Variants in BBS1 observed in about 807,000 individuals in gnomAD.
The protein encoded by BBS1 is BBSome complex member BBS1.
Under a neutral mutation model 73.9 loss-of-function variants are expected in BBS1, and 60 were observed. That is an observed-to-expected ratio of 0.81 (90% confidence interval 0.66 to 1.01). BBS1 has a LOEUF of 1.01. BBS1 is among the 50% of genes least tolerant of loss of function. BBS1 has a pLI of 0.00. For synonymous variants in BBS1, 283 were observed against 317.4 expected (o/e 0.89, Z 1.15); for missense variants, 718 against 770.3 (o/e 0.93, Z 0.80).
intron 11 of BBS1, 138 bp downstream of exon 11, chr11:66,524,020 C>T (rs1274173921): frequency 1.5e-6 from 2 of 1,300,842 alleles, no homozygotes; most frequent in Non-Finnish European, 2.1e-6. Flanking sequence ...TGGCTCATGC[C>T]TGTAATCCCA....
Position 66,529,871 on chromosome 11 carries a change from C to T in BBS1, c.1392C>T (p.Ala464=), listed in dbSNP as rs1178616571. Residue 464 remains alanine (A), a synonymous_variant, in exon 14 of 17, where the codon GCC becomes GCT. Transcript: ENST00000318312. ...TDLYLLRLRA[A]RAYLQALESS... ...TATACCTGCTGCGCCTACGTGCTGC[C>T]CGCGCCTACCTGCAGGCCCTCGAGT... 5.0e-6 allele frequency: 8 copies of T among 1,610,142 alleles called. No homozygotes were observed. Among genetic ancestry groups the T allele is most frequent in the Admixed American group, 1.7e-5 (1 of 59,998 alleles).
At chr11:66,522,165 C>A (rs191033386) in intron 9 of BBS1, among the ~76,000 whole-genome samples, 1,646 of 149,880 alleles carry the variant, frequency 0.011, 26 homozygotes, top group African/African-American at 0.039. Context: ...TGCAGTGAGC[C>A]GAGATCACGC....
chr11:66,515,719 T>C lies in BBS1; in HGVS notation c.506T>C (p.Ile169Thr). 6.2e-7 allele frequency: 1 copy of C among 1,614,120 alleles called. No individual in the cohort carries two copies. Among genetic ancestry groups the C allele is most frequent in the African/African-American group, 1.3e-5 (1 of 75,004 alleles). The change falls in exon 6 of 17, where the codon ATC becomes ACC. Residue 169 changes from isoleucine (I) to threonine (T), a missense_variant. By Grantham distance (89) the Ile-to-Thr change is moderately conservative (BLOSUM62 -1). Transcript: ENST00000318312. ...IRETAEEPLS[I>T]QSLRFLQLEL... ...GAGACGGCAGAGGAGCCTTTGTCCATCCAGTCACTCAGGTAAGGACCCTGT... is the reference window on the plus strand; with the variant it reads ...GAGACGGCAGAGGAGCCTTTGTCCACCCAGTCACTCAGGTAAGGACCCTGT...
Position 66,531,013 on chromosome 11 carries a change from C to T in BBS1, c.1593C>T (p.Pro531=). Residue 531 remains proline, a synonymous_variant, in exon 15 of 17, where the codon CCC becomes CCT. Coordinates refer to ENST00000318312, the MANE Select transcript of BBS1 (RefSeq NM_024649.5). The part of the protein sequence containing the change: ...FLYNEALYSL[P]RAFFKVPLLV... ...ACAACGAGGCGCTCTATTCCCTGCC[C>T]CGGGCCTTCTTCAAGGTACTGGATG... 1 of 1,614,234 alleles carries T rather than the reference C, an allele frequency of 6.2e-7. No homozygotes were observed. The highest frequency in any genetic ancestry group is 1.1e-5 in the South Asian group (1 of 91,092).
At chr11:66,522,133 C>T (rs185252927) in intron 9 of BBS1, among the ~76,000 whole-genome samples, 12 of 150,454 alleles carry the variant, frequency 8.0e-5, no homozygotes, top group Admixed American at 2.0e-4. Flanking sequence ...AGGAGAATGG[C>T]GTGAACCTGG....
intron 16 of BBS1, 87 bp from the exon 17 acceptor site, chr11:66,531,864 G>C: frequency 1.9e-6 from 3 of 1,593,720 alleles, no homozygotes; most frequent in East Asian, 2.3e-5. Context: ...GCACAGTGGA[G>C]CCCTGTGGCC....
chr11:66,517,280 G>A (rs918157632), intron 7 of BBS1, among the ~76,000 whole-genome samples: 3 of 151,732 alleles, frequency 2.0e-5, no homozygotes, highest in Non-Finnish European at 4.4e-5. Flanking sequence ...CCTTACAAGG[G>A]GATCTTTTTT....
intron 11 of BBS1, among the ~76,000 whole-genome samples, chr11:66,524,739 C>T (rs2134801637): frequency 6.6e-6 from 1 of 152,290 alleles, no homozygotes; most frequent in African/African-American, 2.4e-5. Context: ...CAACCAGCAA[C>T]ATTTTTAAAA....
At chr11:66,517,419 C>G (rs943238357) in intron 7 of BBS1, among the ~76,000 whole-genome samples, 3 of 151,482 alleles carry the variant, frequency 2.0e-5, no homozygotes, top group Admixed American at 6.6e-5. Context: ...AAGGGTTTAG[C>G]CTTCCACATG....
At chr11:66,511,687 A>C (rs1308067993) in intron 3 of BBS1, among the ~76,000 whole-genome samples, 1 of 152,150 alleles carries the variant, frequency 6.6e-6, no homozygotes, top group Non-Finnish European at 1.5e-5. Flanking sequence ...TTTGTATGTG[A>C]ATGAAAATTT....
chr11:66,511,127 G>C, intron 2 of BBS1, 38 bp downstream of exon 2: 2 of 1,613,794 alleles, frequency 1.2e-6, no homozygotes, highest in Non-Finnish European at 1.7e-6. Flanking sequence ...GTTCTAGTGG[G>C]ATGGGGAGTC....
intron 3 of BBS1, among the ~76,000 whole-genome samples, chr11:66,513,270 G>A (rs1344718657): frequency 1.3e-5 from 2 of 151,704 alleles, no homozygotes; most frequent in Non-Finnish European, 2.9e-5. Context: ...GGCATTTCAG[G>A]TAGAAGAAAC....
chr11:66,510,732 C>T (rs202169019), intron 1 of BBS1, 26 bp downstream of exon 1: 3 of 1,613,802 alleles, frequency 1.9e-6, no homozygotes, highest in Middle Eastern at 1.6e-4. Flanking sequence ...CTCAAGGCCT[C>T]TTTTCCCACC....
At chr11:66,511,946 T>G (rs1432129358) in intron 3 of BBS1, among the ~76,000 whole-genome samples, 1 of 149,830 alleles carries the variant, frequency 6.7e-6, no homozygotes, top group Non-Finnish European at 1.5e-5. Flanking sequence ...TTGAGTGAGC[T>G]GAGACCATGC....
intron 7 of BBS1, among the ~76,000 whole-genome samples, chr11:66,519,015 G>C (rs1410886630): frequency 1.3e-5 from 2 of 152,050 alleles, no homozygotes; most frequent in East Asian, 1.9e-4. Context: ...CACCTGCCTT[G>C]GTCCCCAAAA....
rs768470924 is a variant in BBS1 at position 66,510,974 on chromosome 11, A to T, written c.48-39A>T. 53 of 1,608,370 alleles carry T rather than the reference A, an allele frequency of 3.3e-5. No homozygotes were observed. Among genetic ancestry groups the T allele is most frequent in the Non-Finnish European group, 4.3e-5 (51 of 1,175,078 alleles). ...CCTCAAAGTTTTTTTTTCCCCTCCC[A>T]TGGGACTCACTCCCCAACTGTCTTT... On this transcript the variant is annotated intron_variant, in intron 1 of 16. Transcript: ENST00000318312.
rs1246559128 is a variant in BBS1, at chr11:66,526,660, A to G, written c.1192A>G (p.Ile398Val). 2 of 1,614,232 alleles carry G rather than the reference A, an allele frequency of 1.2e-6. No individual in the cohort carries two copies. Among genetic ancestry groups the G allele is most frequent in the Non-Finnish European group, 1.7e-6 (2 of 1,180,050 alleles). Residue 398 changes from isoleucine (I) to valine (V), a missense_variant, in exon 13 of 17, where the codon ATC (isoleucine) becomes GTC (valine). By Grantham distance (29) the Ile-to-Val change is conservative. Coordinates refer to ENST00000318312, the MANE Select transcript of BBS1 (RefSeq NM_024649.5). ...GTCCACTTCCCTAGGTGGTGGCCTG[A>G]TCATCAAGATCCTGAAGCGTACAGC... Reference protein sequence around the residue: ...LIMTTRGGGLIIKILKRTAVF... With the variant: ...LIMTTRGGGLVIKILKRTAVF...
rs1228682382 is a variant in BBS1, at chr11:66,510,690, G to T, written c.31G>T (p.Ala11Ser). 1 of 1,614,184 alleles carries T rather than the reference G, an allele frequency of 6.2e-7. No individual in the cohort carries two copies. The highest frequency in any genetic ancestry group is 8.5e-7 in the Non-Finnish European group (1 of 1,180,020). The change falls in exon 1 of 17, where the codon GCC becomes TCC. Residue 11 changes from alanine to serine, a missense_variant. Physicochemically the swap from Ala to Ser is moderately conservative, Grantham distance 99. Transcript: ENST00000318312. MAAASSSDSD[A>S]CGAESNEANS... ...CGCTGCGTCCTCATCGGATTCCGAC[G>T]CCTGCGGAGCTGAGAGGTGAAGGCA...
intron 1 of BBS1, 63 bp downstream of exon 1, chr11:66,510,769 G>A: frequency 1.2e-6 from 2 of 1,600,896 alleles, no homozygotes; most frequent in East Asian, 2.2e-5. Context: ...CTTGGTCCCC[G>A]GGCTCTGGGC....
Sources: allele counts gnomAD v4.1 joint callset (sites outside exome capture counted in the v4.1 genomes callset), GRCh38; gene constraint gnomAD v4.1.1; transcripts MANE v1.5; gene names NCBI Gene and HGNC (gene_info 2026-07-23, HGNC 2026-07-21).